Variants in PARD3B observed in about 807,000 individuals in gnomAD.
The protein encoded by PARD3B is partitioning defective 3 homolog B.
Under a neutral mutation model 130.2 loss-of-function variants are expected in PARD3B, and 103 were observed. The ratio of observed to expected loss-of-function variants is 0.79; its 90% CI spans 0.67 to 0.93. The LOEUF is 0.93. Ranked by LOEUF, PARD3B falls within the 40% of genes least tolerant of loss-of-function variation. The probability of loss-of-function intolerance (pLI) is 0.00; values close to 1 mark genes in which losing one functional copy is unlikely to be tolerated. For missense variants in PARD3B, 1,609 were observed against 1,499.2 expected (o/e 1.07, Z -1.21); for synonymous variants, 583 against 553.2 (o/e 1.05, Z -0.76).
At chr2:204,573,380 C>T (rs1454636008) in intron 1 of PARD3B, among the ~76,000 whole-genome samples, 1 of 152,138 alleles carries the variant, frequency 6.6e-6, no homozygotes, top group Non-Finnish European at 1.5e-5. Flanking sequence ...TGCGTGACCT[C>T]ATCTGATGCC....
chr2:204,676,266 G>GA (rs2036539379), intron 1 of PARD3B, among the ~76,000 whole-genome samples: 3 of 151,880 alleles, frequency 2.0e-5, no homozygotes, highest in Non-Finnish European at 4.4e-5. Context: ...CCTTGGAGAT[G>GA]AAAGACCTTT....
chr2:205,033,521 C>T (rs1002588364), intron 3 of PARD3B, among the ~76,000 whole-genome samples: 6 of 152,030 alleles, frequency 3.9e-5, no homozygotes, highest in Admixed American at 6.6e-5. Context: ...TCAGTTGTTC[C>T]ACTAGTCATT....
At chr2:205,135,264 A>G (rs1410503988) in intron 10 of PARD3B, among the ~76,000 whole-genome samples, 1 of 152,200 alleles carries the variant, frequency 6.6e-6, no homozygotes, top group Non-Finnish European at 1.5e-5. Context: ...AACTTAGGGG[A>G]CAACCTTGAT....
chr2:205,412,382 T>G (rs942066130), intron 19 of PARD3B, among the ~76,000 whole-genome samples: 1 of 152,194 alleles, frequency 6.6e-6, no homozygotes, highest in South Asian at 2.1e-4. Context: ...TAAACAACAG[T>G]AACAACAATG....
At chr2:205,607,800 A>T (rs571820816) in intron 22 of PARD3B, among the ~76,000 whole-genome samples, 1 of 148,180 alleles carries the variant, frequency 6.7e-6, no homozygotes, top group African/African-American at 2.5e-5. Context: ...TAATGAAATC[A>T]TGACATGGAG....
At chr2:204,807,310 T>TA (rs2042802922) in intron 2 of PARD3B, among the ~76,000 whole-genome samples, 1 of 152,120 alleles carries the variant, frequency 6.6e-6, no homozygotes, top group African/African-American at 2.4e-5. Flanking sequence ...TTCACCTCAG[T>TA]AAAAATGGCT....
chr2:204,820,081 T>TTTTTTC (rs1394101039), intron 2 of PARD3B, among the ~76,000 whole-genome samples: 4 of 144,764 alleles, frequency 2.8e-5, no homozygotes, highest in African/African-American at 1.1e-4. Flanking sequence ...CTTTTTTTTT[T>TTTTTTC]TTTTTTTTTT....
intron 10 of PARD3B, among the ~76,000 whole-genome samples, chr2:205,137,698 G>A (rs186393369): frequency 1.3e-5 from 2 of 152,318 alleles, no homozygotes; most frequent in East Asian, 3.9e-4. Context: ...TGGGCGGGAA[G>A]GCCCAGAATG....
chr2:205,082,988 C>T (rs886415275), intron 4 of PARD3B, among the ~76,000 whole-genome samples: 2 of 148,994 alleles, frequency 1.3e-5, no homozygotes, highest in Admixed American at 6.8e-5. Context: ...GACGTGATCT[C>T]GGCTCACTGC....
At chr2:205,064,655 G>A (rs1260303037) in intron 4 of PARD3B, among the ~76,000 whole-genome samples, 1 of 152,160 alleles carries the variant, frequency 6.6e-6, no homozygotes, top group Non-Finnish European at 1.5e-5. Flanking sequence ...CCAGAGTCAA[G>A]GCCAGGTATG....
intron 2 of PARD3B, among the ~76,000 whole-genome samples, chr2:204,878,520 G>A (rs1037762806): frequency 1.1e-4 from 17 of 151,794 alleles, no homozygotes; most frequent in Admixed American, 8.5e-4. Flanking sequence ...ATGGTAATGC[G>A]TGTTTTTATT....
intron 15 of PARD3B, among the ~76,000 whole-genome samples, chr2:205,236,220 C>T (rs990326396): frequency 6.6e-6 from 1 of 152,136 alleles, no homozygotes; most frequent in African/African-American, 2.4e-5. Context: ...ACACAGGAAA[C>T]TCCAGGTACA....
Position 205,244,442 on chromosome 2 carries a change from C to T in PARD3B, c.2141-1336C>T, listed in dbSNP as rs2039483987. ...AGATGCTTAAGGATTAAGAACTTTG[C>T]ATCTGTGTTCATGAAGGATGTGGGT... On this transcript the variant is annotated intron_variant, in intron 15 of 22. Coordinates refer to ENST00000406610, the MANE Select transcript of PARD3B (RefSeq NM_001302769.2). This position sits in a 1 kb window ranked among gnomAD's most constrained non-coding sequence, Gnocchi z 4.7. Among the ~76,000 whole-genome samples, 2 of 152,144 alleles carry T rather than the reference C, an allele frequency of 1.3e-5. No homozygotes were observed. The highest frequency in any genetic ancestry group is 1.3e-4 in the Admixed American group (2 of 15,262).
intron 18 of PARD3B, among the ~76,000 whole-genome samples, chr2:205,346,897 G>A (rs564990240): frequency 9.2e-5 from 14 of 152,040 alleles, no homozygotes; most frequent in African/African-American, 1.9e-4. Flanking sequence ...TTTAAATAGC[G>A]CCATTATCCT....
At chr2:204,564,070 G>A (rs770130110) in intron 1 of PARD3B, among the ~76,000 whole-genome samples, 16 of 152,250 alleles carry the variant, frequency 1.1e-4, no homozygotes, top group South Asian at 2.1e-4. Context: ...CACTGCGCCC[G>A]GCCAGTGGTC....
At chr2:204,859,675 G>A (rs2045104995) in intron 2 of PARD3B, among the ~76,000 whole-genome samples, 1 of 152,148 alleles carries the variant, frequency 6.6e-6, no homozygotes, top group African/African-American at 2.4e-5. Flanking sequence ...AGTTATCCTA[G>A]GAGTTTTGAT....
chr2:205,212,974 C>G (rs13384299), intron 15 of PARD3B, among the ~76,000 whole-genome samples: 4,292 of 152,172 alleles, frequency 0.028, 88 homozygotes, highest in East Asian at 0.082. Context: ...ATGGGGCAAT[C>G]AGGGCTTAAA....
chr2:205,172,453 G>A, intron 12 of PARD3B, 72 bp downstream of exon 12: 1 of 1,445,668 alleles, frequency 6.9e-7, no homozygotes, highest in Admixed American at 2.1e-5. Context: ...TCCATTCCTA[G>A]TATGGCAGCT....
intron 2 of PARD3B, among the ~76,000 whole-genome samples, chr2:204,775,001 T>G (rs960531210): frequency 6.6e-6 from 1 of 152,158 alleles, no homozygotes; most frequent in South Asian, 2.1e-4. Flanking sequence ...TCTATATGTC[T>G]AAAAATGCCA....
Sources: gnomAD v4.1 joint callset for allele counts (sites outside exome capture counted in the v4.1 genomes callset) on GRCh38, gnomAD v4.1.1 for gene constraint, Gnocchi (gnomAD v3.1) non-coding constraint, MANE v1.5 for transcripts, NCBI Gene and HGNC (gene_info 2026-07-23, HGNC 2026-07-21) for gene names.